CCDC60: variants seen among roughly 807,000 people sequenced by gnomAD.
CCDC60 encodes coiled-coil domain containing 60.
In CCDC60, 54 loss-of-function variants were observed where a neutral mutation model predicts 63.5. The observed-to-expected ratio is 0.85, with a 90% CI of 0.68 to 1.07. The LOEUF is 1.07. Ranked by LOEUF, CCDC60 falls within the 50% of genes least tolerant of loss-of-function variation. The pLI, the probability that CCDC60 is intolerant of heterozygous loss-of-function variation, is 0.00. For missense variants in CCDC60, 651 were observed against 684.3 expected (o/e 0.95, Z 0.54); for synonymous variants, 206 against 238.8 (o/e 0.86, Z 1.27).
intron 1 of CCDC60, among the ~76,000 whole-genome samples, chr12:119,417,085 A>C (rs1367386797): frequency 6.6e-6 from 1 of 152,124 alleles, no homozygotes. Context: ...GCGCCATTGC[A>C]CTCCAGCCTG....
At chr12:119,474,406 T>C (rs1375262515) in intron 3 of CCDC60, among the ~76,000 whole-genome samples, 1 of 152,230 alleles carries the variant, frequency 6.6e-6, no homozygotes, top group African/African-American at 2.4e-5. Context: ...AATGTGAATA[T>C]GTGCTTCTTA....
At chr12:119,376,940 G>A (rs916385600) in intron 1 of CCDC60, among the ~76,000 whole-genome samples, 1 of 151,974 alleles carries the variant, frequency 6.6e-6, no homozygotes, top group Non-Finnish European at 1.5e-5. Flanking sequence ...TAGACAATGT[G>A]GATGGAGACT....
In CCDC60 at chr12:119,479,292, T is replaced by C. The variant is rs149632565; in HGVS notation, c.449+91T>C. On this transcript the variant is annotated intron_variant, in intron 4 of 13. Transcript: ENST00000327554. ...CTCAACGAGCTGTCATGTCAGTAGC[T>C]GTTCCTTTGTCCTCTTGAAAGGGAC... is the stretch of plus-strand genomic sequence containing the variant. 5.9e-6 allele frequency: 5 copies of C among 845,024 alleles called. No individual in the cohort carries two copies. In the African/African-American group the frequency reaches 8.4e-5, roughly 14 times the overall value. The allele number at this position is 845,024 out of a possible 1,614,324, so 52.3% of individuals were successfully genotyped here.
Position 119,440,303 on chromosome 12 carries a change from G to A in CCDC60, c.170+11541G>A, listed in dbSNP as rs376471250. Among the ~76,000 whole-genome samples, 10 of 152,292 alleles carry A rather than the reference G, an allele frequency of 6.6e-5. No homozygotes were observed. The East Asian group carries it at 9.6e-4, about 15-fold the overall frequency. On this transcript the variant is annotated intron_variant, in intron 2 of 13. Transcript: ENST00000327554. ...CCCAGCACTTTGGGAGGCCGAGGCGGGCGGATTGTGAGGTCAGGAGATCAA... is the reference window on the plus strand; with the variant it reads ...CCCAGCACTTTGGGAGGCCGAGGCGAGCGGATTGTGAGGTCAGGAGATCAA...
intron 7 of CCDC60, among the ~76,000 whole-genome samples, chr12:119,511,811 G>C (rs151089947): frequency 6.6e-6 from 1 of 152,280 alleles, no homozygotes; most frequent in African/African-American, 2.4e-5. Flanking sequence ...GGGTAGGAGT[G>C]GTAGAGCAGT....
intron 11 of CCDC60, among the ~76,000 whole-genome samples, chr12:119,526,420 A>C (rs984817450): frequency 2.0e-5 from 3 of 152,240 alleles, no homozygotes; most frequent in Non-Finnish European, 2.9e-5. Flanking sequence ...AATGGGATCT[A>C]ATTGAACTTA....
chr12:119,376,853 T>C (rs1955956272), intron 1 of CCDC60, among the ~76,000 whole-genome samples: 1 of 152,136 alleles, frequency 6.6e-6, no homozygotes, highest in Admixed American at 6.5e-5. Context: ...TTGGGGGATG[T>C]TCTGTAGCTG....
intron 13 of CCDC60, among the ~76,000 whole-genome samples, chr12:119,536,162 T>C (rs1952999989): frequency 6.6e-6 from 1 of 152,216 alleles, no homozygotes; most frequent in African/African-American, 2.4e-5. Flanking sequence ...CCCTTTACCA[T>C]TATGTAATGG....
At chr12:119,382,944 A>C (rs777795231) in intron 1 of CCDC60, among the ~76,000 whole-genome samples, 24 of 152,192 alleles carry the variant, frequency 1.6e-4, no homozygotes, top group Non-Finnish European at 2.9e-4. Flanking sequence ...GACCCAGGGT[A>C]ATTGGAGATC....
chr12:119,335,037 C>T lies in CCDC60; in HGVS notation c.-140C>T. On this transcript the variant is annotated 5_prime_UTR_variant, in exon 1 of 14. Transcript: ENST00000327554. The stretch of plus-strand genomic sequence containing the variant: ...TTCTCATTACTCTTCAGAAGGAAAC[C>T]GCTTTGGAGTTCGTGTAATTGGGAC... 1 of 630,658 alleles carries T rather than the reference C, an allele frequency of 1.6e-6. No homozygotes were observed. The highest frequency in any genetic ancestry group is 3.5e-4 in the Middle Eastern group (1 of 2,872). 39.1% of individuals were successfully genotyped at this position (630,658 alleles called of 1,614,324 possible).
chr12:119,517,980 A>T (rs1952399579), intron 8 of CCDC60, among the ~76,000 whole-genome samples: 1 of 152,196 alleles, frequency 6.6e-6, no homozygotes. Context: ...GAGGTTCATC[A>T]TCACCTTCAG....
At chr12:119,428,334 TAGC>T (rs1956935997) in intron 1 of CCDC60, among the ~76,000 whole-genome samples, 9 of 152,346 alleles carry the variant, frequency 5.9e-5, no homozygotes, top group Middle Eastern at 3.4e-3. Flanking sequence ...GTGAGGAATT[TAGC>T]AATTAATTTA....
chr12:119,484,493 A>C (rs1326193482), intron 4 of CCDC60, among the ~76,000 whole-genome samples: 2 of 152,034 alleles, frequency 1.3e-5, no homozygotes, highest in African/African-American at 4.8e-5. Flanking sequence ...AGGCAGGCGG[A>C]TCGCTTGAGC....
At chr12:119,365,196 G>C (rs76255428) in intron 1 of CCDC60, among the ~76,000 whole-genome samples, 3,806 of 152,186 alleles carry the variant, frequency 0.025, 186 homozygotes, top group African/African-American at 0.087. Flanking sequence ...AGCTCTATCT[G>C]GCCTCAAAAC....
chr12:119,414,272 A>G (rs1400624084), intron 1 of CCDC60, among the ~76,000 whole-genome samples: 1 of 151,646 alleles, frequency 6.6e-6, no homozygotes, highest in Non-Finnish European at 1.5e-5. Flanking sequence ...GCCTGCCGCA[A>G]CCTCCCAAAG....
rs1235891276 is a variant in CCDC60, at chr12:119,420,062, G to GAGAT, written c.91-8618_91-8615dup. Among the ~76,000 whole-genome samples, 1 of 151,856 alleles carries GAGAT rather than the reference G, an allele frequency of 6.6e-6. No homozygotes were observed. The highest frequency in any genetic ancestry group is 6.6e-5 in the Admixed American group (1 of 15,240). ...TGGGTAATTTTTTGTATTTTTAGTA[G>GAGAT]AGATAGGGTTTCACCGTGTTAGCCG... On this transcript the variant is annotated intron_variant, in intron 1 of 13. Coordinates refer to ENST00000327554, the MANE Select transcript of CCDC60 (RefSeq NM_178499.5). This position sits in a 1 kb window ranked among gnomAD's most constrained non-coding sequence, Gnocchi z 4.1.
Position 119,469,265 on chromosome 12 carries a change from G to GAGAC in CCDC60, c.171-2726_171-2725insCAGA, listed in dbSNP as rs1241439703. Among the ~76,000 whole-genome samples the GAGAC allele has an allele frequency of 2.0e-5, 3 of 151,940 alleles. No individual in the cohort carries two copies. In the East Asian group the frequency reaches 5.8e-4, roughly 29 times the overall value. ...TTTCTTGCTTTTCAAAAAATTTTTT[G>GAGAC]AGATGGAGTCTCACTCTGTCACTCA... is the stretch of plus-strand genomic sequence containing the variant. On this transcript the variant is annotated intron_variant, in intron 2 of 13. Coordinates refer to ENST00000327554, the MANE Select transcript of CCDC60 (RefSeq NM_178499.5).
chr12:119,532,216 C>T (rs1002856840), intron 13 of CCDC60, among the ~76,000 whole-genome samples: 1 of 152,080 alleles, frequency 6.6e-6, no homozygotes, highest in Non-Finnish European at 1.5e-5. Context: ...GCAACTTCCA[C>T]CTTCTATTTA....
intron 1 of CCDC60, among the ~76,000 whole-genome samples, chr12:119,411,454 C>A (rs1956599359): frequency 6.6e-6 from 1 of 151,956 alleles, no homozygotes; most frequent in Non-Finnish European, 1.5e-5. Flanking sequence ...CTGCAGTGAG[C>A]CGAGATCACA....
Sources: allele counts gnomAD v4.1 joint callset (sites outside exome capture counted in the v4.1 genomes callset), GRCh38; gene constraint gnomAD v4.1.1; non-coding constraint Gnocchi (gnomAD v3.1); transcripts MANE v1.5; gene names NCBI Gene and HGNC (gene_info 2026-07-23, HGNC 2026-07-21).